The following FGF12 variants were observed in gnomAD, a reference collection of about 807,000 sequenced individuals.
FGF12 encodes the protein fibroblast growth factor 12B.
FGF12 carries 14 observed loss-of-function variants against 23.6 expected under a neutral mutation model. The observed-to-expected ratio is 0.59, with a 90% confidence interval of 0.39 to 0.93. FGF12 has a LOEUF of 0.93. FGF12 is among the 40% of genes least tolerant of loss of function. FGF12 has a pLI of 0.00. For missense variants in FGF12, 175 were observed against 217.8 expected (o/e 0.80, Z 1.24); for synonymous variants, 62 against 77.3 (o/e 0.80, Z 1.04).
chr3:192,654,071 A>C (rs1716308919), intron 2 of FGF12, among the ~76,000 whole-genome samples: 1 of 152,166 alleles, frequency 6.6e-6, no homozygotes, highest in Non-Finnish European at 1.5e-5. Flanking sequence ...GACTTCACAA[A>C]TATTTAATGT....
chr3:192,603,297 C>A (rs1002825387), intron 2 of FGF12, among the ~76,000 whole-genome samples: 2 of 152,072 alleles, frequency 1.3e-5, no homozygotes, highest in Non-Finnish European at 2.9e-5. Flanking sequence ...AAAGACTCTG[C>A]CAAAAGGTTC....
chr3:192,603,971 G>T (rs192605816), intron 2 of FGF12, among the ~76,000 whole-genome samples: 147 of 152,208 alleles, frequency 9.7e-4, no homozygotes, highest in Non-Finnish European at 1.8e-3. Context: ...CAACCACACA[G>T]GACAGACATT....
At chr3:192,237,904 G>C (rs1719385416) in intron 4 of FGF12, 1 of 152,184 alleles carries the variant, frequency 6.6e-6, no homozygotes, top group Non-Finnish European at 1.5e-5. Context: ...AGACACTCTG[G>C]CTTTAAGAAT....
chr3:192,231,287 T>C (rs539941634), intron 4 of FGF12, among the ~76,000 whole-genome samples: 11 of 130,964 alleles, frequency 8.4e-5, no homozygotes, highest in Non-Finnish European at 1.5e-4. Flanking sequence ...CAGGCCCCCC[T>C]TTTTTTTTAC....
intron 2 of FGF12, among the ~76,000 whole-genome samples, chr3:192,511,805 G>T (rs1332498831): frequency 6.6e-6 from 1 of 152,030 alleles, no homozygotes; most frequent in Non-Finnish European, 1.5e-5. Context: ...CCATTTGATA[G>T]CTTATACCCA....
At chr3:192,284,767 A>G (rs912940637) in intron 4 of FGF12, among the ~76,000 whole-genome samples, 3 of 152,086 alleles carry the variant, frequency 2.0e-5, no homozygotes, top group Non-Finnish European at 4.4e-5. Context: ...AATGTAATGC[A>G]CTGGCTTTCA....
chr3:192,419,172 A>G (rs1721446032), intron 2 of FGF12, among the ~76,000 whole-genome samples: 1 of 152,190 alleles, frequency 6.6e-6, no homozygotes. Context: ...TAGGATGATG[A>G]ATCCACAAAA....
intron 2 of FGF12, among the ~76,000 whole-genome samples, chr3:192,610,526 C>T (rs989885092): frequency 1.3e-5 from 2 of 151,970 alleles, no homozygotes; most frequent in Admixed American, 1.3e-4. Flanking sequence ...TTATCTCATC[C>T]GGATTATTGC....
At chr3:192,346,194 G>A (rs575208434) in intron 3 of FGF12, among the ~76,000 whole-genome samples, 1 of 151,906 alleles carries the variant, frequency 6.6e-6, no homozygotes, top group Non-Finnish European at 1.5e-5. Context: ...AACTTTCATT[G>A]GTTCCCCATT....
At chr3:192,236,776 T>C (rs1719322683) in intron 4 of FGF12, among the ~76,000 whole-genome samples, 1 of 152,150 alleles carries the variant, frequency 6.6e-6, no homozygotes, top group African/African-American at 2.4e-5. Flanking sequence ...GGGTCTTGCT[T>C]TTTTATACAA....
At position 192,708,013 on chromosome 3, in the gene FGF12, G is replaced by A. The variant is rs531902655; in HGVS notation, c.13+19168C>T. Among the ~76,000 whole-genome samples the A allele has an allele frequency of 7.9e-5, 12 of 152,242 alleles. No individual in the cohort carries two copies. In the East Asian group the frequency reaches 2.1e-3, roughly 27 times the overall value. ...CTCGCTCTGTCACCCAGGCTGGAGT[G>A]CTGTGGCGCGATCTCGGCTCACTGC... On this transcript the variant is annotated intron_variant, in intron 2 of 5. Transcript: ENST00000445105.
intron 4 of FGF12, among the ~76,000 whole-genome samples, chr3:192,200,021 A>C (rs1717279448): frequency 6.6e-6 from 1 of 152,066 alleles, no homozygotes; most frequent in African/African-American, 2.4e-5. Flanking sequence ...GGTAAATCAA[A>C]ACAGCAATAG....
chr3:192,711,412 C>A (rs2108739400), intron 2 of FGF12, among the ~76,000 whole-genome samples: 1 of 149,626 alleles, frequency 6.7e-6, no homozygotes, highest in Admixed American at 6.7e-5. Context: ...AAGTGAGGAG[C>A]CCCTCTGCCC....
intron 2 of FGF12, among the ~76,000 whole-genome samples, chr3:192,448,086 T>A (rs1193220827): frequency 1.3e-5 from 2 of 152,200 alleles, no homozygotes; most frequent in East Asian, 1.9e-4. Flanking sequence ...TATATATATG[T>A]GTGTATACAC....
intron 4 of FGF12, among the ~76,000 whole-genome samples, chr3:192,262,532 C>G (rs1712822786): frequency 6.6e-6 from 1 of 152,088 alleles, no homozygotes. Flanking sequence ...GATTAGAATA[C>G]TATATTTTTA....
At chr3:192,454,173 G>A (rs1722609803) in intron 2 of FGF12, among the ~76,000 whole-genome samples, 1 of 151,998 alleles carries the variant, frequency 6.6e-6, no homozygotes, top group South Asian at 2.1e-4. Flanking sequence ...TGAGTAGCTG[G>A]GACTATAGGT....
At chr3:192,276,071 G>A (rs1387164533) in intron 4 of FGF12, among the ~76,000 whole-genome samples, 1 of 152,184 alleles carries the variant, frequency 6.6e-6, no homozygotes, top group African/African-American at 2.4e-5. Context: ...AATGTTAACA[G>A]TCAGCGATTC....
intron 2 of FGF12, among the ~76,000 whole-genome samples, chr3:192,543,608 A>G (rs78872559): frequency 1.8e-3 from 267 of 151,980 alleles, no homozygotes; most frequent in African/African-American, 6.3e-3. Flanking sequence ...ACAGCTGGGA[A>G]TGTACTGGGT....
intron 2 of FGF12, among the ~76,000 whole-genome samples, chr3:192,519,327 T>C (rs1176910869): frequency 6.6e-6 from 1 of 152,208 alleles, no homozygotes; most frequent in Non-Finnish European, 1.5e-5. Context: ...TGGTCAAATA[T>C]TTTGCGGAAT....
Sources: allele counts gnomAD v4.1 joint callset (sites outside exome capture counted in the v4.1 genomes callset), GRCh38; gene constraint gnomAD v4.1.1; transcripts MANE v1.5; gene names NCBI Gene and HGNC (gene_info 2026-07-23, HGNC 2026-07-21).